Variants in ARHGAP24 observed in about 807,000 individuals in gnomAD.
The protein encoded by ARHGAP24 is rho GTPase-activating protein 24.
ARHGAP24 carries 50 observed loss-of-function variants against 76.4 expected under a neutral mutation model. That is an observed-to-expected ratio of 0.65 (90% CI 0.52 to 0.83). The LOEUF (loss-of-function observed/expected upper bound fraction) is 0.83, where lower values mean the gene tolerates loss of function less well. Among genes scored for constraint, ARHGAP24 ranks in the 40% least tolerant of loss-of-function variants. The pLI, the probability that ARHGAP24 is intolerant of heterozygous loss-of-function variation, is 0.00. For synonymous variants in ARHGAP24, 345 were observed against 323.3 expected, an observed-to-expected ratio of 1.07 and a Z score of -0.72; for missense variants, 930 against 914.2, an observed-to-expected ratio of 1.02 and a Z score of -0.22.
chr4:85,916,697 A>G (rs2148805134), intron 3 of ARHGAP24, among the ~76,000 whole-genome samples: 1 of 152,310 alleles, frequency 6.6e-6, no homozygotes, highest in South Asian at 2.1e-4. Context: ...CCTGGAAGTT[A>G]TTAACAGCAT....
rs3028011 is a variant in ARHGAP24 at position 85,564,924 on chromosome 4, GTATATATATATATA to G, written c.-20-5565_-20-5552del. 3.4e-3 allele frequency among the ~76,000 whole-genome samples: 181 copies of G among 53,256 alleles called. 2 individuals carry two copies. Among genetic ancestry groups the G allele is most frequent in the East Asian group, 7.6e-3 (5 of 654 alleles). 34.9% of individuals were successfully genotyped at this position (53,256 alleles called of 152,430 possible). ...CCCTGCTCTAGGCAGAACACACACGGTATATATATATATATATATATATATATATATATATATAT... is the reference window on the plus strand; with the variant it reads ...CCCTGCTCTAGGCAGAACACACACGGTATATATATATATATATATATATAT... On this transcript the variant is annotated intron_variant, in intron 1 of 9. Coordinates refer to ENST00000395184, the MANE Select transcript of ARHGAP24 (RefSeq NM_001025616.3).
intron 1 of ARHGAP24, among the ~76,000 whole-genome samples, chr4:85,526,656 T>A (rs1725012579): frequency 6.6e-6 from 1 of 152,066 alleles, no homozygotes; most frequent in African/African-American, 2.4e-5. Context: ...CAAACTAACT[T>A]TTATCCCATC....
At chr4:85,895,555 A>T (rs899797988) in intron 3 of ARHGAP24, among the ~76,000 whole-genome samples, 8 of 152,210 alleles carry the variant, frequency 5.3e-5, no homozygotes, top group Admixed American at 5.2e-4. Flanking sequence ...TTGGGGGGAA[A>T]ATTTCTATTT....
intron 2 of ARHGAP24, among the ~76,000 whole-genome samples, chr4:85,699,079 G>A (rs572441282): frequency 6.6e-6 from 1 of 152,198 alleles, no homozygotes; most frequent in South Asian, 2.1e-4. Flanking sequence ...TATGAATTCT[G>A]GGGAGACACA....
At chr4:85,721,201 G>A (rs1365892991) in intron 2 of ARHGAP24, among the ~76,000 whole-genome samples, 1 of 152,012 alleles carries the variant, frequency 6.6e-6, no homozygotes, top group Non-Finnish European at 1.5e-5. Context: ...TTCGAGACTA[G>A]CCTGGCCAAC....
chr4:85,827,461 C>T (rs1400326933), intron 3 of ARHGAP24, among the ~76,000 whole-genome samples: 3 of 108,712 alleles, frequency 2.8e-5, no homozygotes, highest in African/African-American at 6.8e-5. Flanking sequence ...GAAGTCTGCC[C>T]GTGTGTGTGT....
intron 3 of ARHGAP24, among the ~76,000 whole-genome samples, chr4:85,916,202 G>A (rs184407632): frequency 1.4e-3 from 220 of 152,126 alleles, no homozygotes; most frequent in African/African-American, 2.9e-3. Context: ...TTTGTTGGCC[G>A]CATAAATGTC....
intron 3 of ARHGAP24, among the ~76,000 whole-genome samples, chr4:85,732,867 A>AT (rs1462165973): frequency 0.02 from 2,588 of 132,510 alleles, 71 homozygotes; most frequent in African/African-American, 0.066. Flanking sequence ...CTAATTTTGT[A>AT]TTTTTTTTTT....
rs1736312463 is a variant in ARHGAP24, at chr4:85,931,179, A to G, written c.391+7409A>G. On this transcript the variant is annotated intron_variant, in intron 4 of 9. Coordinates refer to ENST00000395184, the MANE Select transcript of ARHGAP24 (RefSeq NM_001025616.3). ...GACTGTACAAGAGTGATTTGTGCGT[A>G]TCCTTGCTTGTCTATACTTATTTTC... 7 of 866,680 alleles carry G rather than the reference A, an allele frequency of 8.1e-6. No individual in the cohort carries two copies. The South Asian group carries it at 1.5e-4, about 19-fold the overall frequency. The allele number at this position is 866,680 out of a possible 1,614,324, so 53.7% of individuals were successfully genotyped here.
chr4:85,838,323 C>A (rs1730404772), intron 3 of ARHGAP24, among the ~76,000 whole-genome samples: 1 of 152,174 alleles, frequency 6.6e-6, no homozygotes, highest in African/African-American at 2.4e-5. Context: ...AATAGCCGGG[C>A]ACGGTGGCTC....
intron 3 of ARHGAP24, among the ~76,000 whole-genome samples, chr4:85,760,705 G>A (rs576065240): frequency 6.6e-6 from 1 of 152,230 alleles, no homozygotes; most frequent in African/African-American, 2.4e-5. Context: ...AGAACAGAAG[G>A]CCCGAAGCCA....
intron 3 of ARHGAP24, among the ~76,000 whole-genome samples, chr4:85,754,760 G>A (rs972050993): frequency 3.9e-5 from 6 of 152,184 alleles, no homozygotes; most frequent in African/African-American, 1.4e-4. Context: ...ACTACAAGCA[G>A]CCAGAAATAT....
At chr4:85,595,548 C>G (rs990584146) in intron 2 of ARHGAP24, among the ~76,000 whole-genome samples, 2 of 152,062 alleles carry the variant, frequency 1.3e-5, no homozygotes, top group African/African-American at 4.8e-5. Flanking sequence ...ATTACAAAAT[C>G]AGTTCCTTCT....
At chr4:85,954,949 G>T (rs1294662470) in intron 5 of ARHGAP24, among the ~76,000 whole-genome samples, 2 of 152,216 alleles carry the variant, frequency 1.3e-5, no homozygotes, top group African/African-American at 4.8e-5. Context: ...GGCGGAGGTT[G>T]CGGTGAGCCG....
At chr4:85,999,569 A>C (rs1034214734) in intron 9 of ARHGAP24, among the ~76,000 whole-genome samples, 3 of 152,208 alleles carry the variant, frequency 2.0e-5, no homozygotes, top group Non-Finnish European at 4.4e-5. Context: ...GTAAGTTTGA[A>C]TGAGTCCCAT....
chr4:85,963,099 A>G (rs1296461920), intron 5 of ARHGAP24, among the ~76,000 whole-genome samples: 2 of 152,014 alleles, frequency 1.3e-5, no homozygotes, highest in Non-Finnish European at 2.9e-5. Context: ...TATCTTTATC[A>G]TTGTTTACTT....
At chr4:85,553,079 G>A (rs748517785) in intron 1 of ARHGAP24, among the ~76,000 whole-genome samples, 22 of 151,894 alleles carry the variant, frequency 1.4e-4, no homozygotes, top group Admixed American at 9.2e-4. Context: ...GCAGACCTTC[G>A]CAGTGAGCAT....
chr4:85,874,956 T>A (rs1331476372), intron 3 of ARHGAP24, among the ~76,000 whole-genome samples: 1 of 121,342 alleles, frequency 8.2e-6, no homozygotes, highest in East Asian at 2.2e-4. Context: ...TTTTATATAA[T>A]TTATATATAA....
chr4:85,916,615 C>T (rs1434360920), intron 3 of ARHGAP24, among the ~76,000 whole-genome samples: 1 of 152,074 alleles, frequency 6.6e-6, no homozygotes, highest in Non-Finnish European at 1.5e-5. Context: ...TTTCTGTAGT[C>T]TGTAATAAAA....
Sources: allele counts gnomAD v4.1 joint callset (sites outside exome capture counted in the v4.1 genomes callset), GRCh38; gene constraint gnomAD v4.1.1; transcripts MANE v1.5; gene names NCBI Gene and HGNC (gene_info 2026-07-23, HGNC 2026-07-21).